Variants in PCDH15 observed in about 807,000 individuals in gnomAD.
PCDH15 encodes the protein protocadherin related 15.
Under a neutral mutation model 178.5 loss-of-function variants are expected in PCDH15, and 129 were observed. That is an observed-to-expected ratio of 0.72 (90% confidence interval 0.63 to 0.84). The LOEUF is 0.84. PCDH15 is among the 40% of genes least tolerant of loss of function. PCDH15 has a pLI of 0.00. For synonymous variants in PCDH15, 800 were observed against 732.0 expected, an observed-to-expected ratio of 1.09 and a Z score of -1.50; for missense variants, 2,230 against 2,099.9, an observed-to-expected ratio of 1.06 and a Z score of -1.21.
rs1307297911 is a variant in PCDH15, at chr10:54,677,912, C to A, written c.-28-13622G>T. Among the ~76,000 whole-genome samples, 4 of 152,244 alleles carry A rather than the reference C, an allele frequency of 2.6e-5. No homozygotes were observed. The East Asian group carries it at 7.7e-4, about 29-fold the overall frequency. On this transcript the variant is annotated intron_variant, in intron 1 of 37. Coordinates refer to ENST00000644397, the MANE Select transcript of PCDH15 (RefSeq NM_001384140.1). The stretch of plus-strand genomic sequence containing the variant: ...TCCATACGCATTTAGGACCACTGTA[C>A]TATCATCACGTCCAAAACTTCCTTT...
At chr10:55,341,719 G>A (rs1357662779) in intron 2 of PCDH15, among the ~76,000 whole-genome samples, 3 of 136,532 alleles carry the variant, frequency 2.2e-5, no homozygotes, top group Non-Finnish European at 4.6e-5. Flanking sequence ...ACAGGCATGC[G>A]CCACCACGCC....
intron 1 of PCDH15, among the ~76,000 whole-genome samples, chr10:55,201,183 A>G (rs567629849): frequency 6.6e-6 from 1 of 152,250 alleles, no homozygotes; most frequent in East Asian, 1.9e-4. Context: ...GATAGAATAT[A>G]AGGCTGGAAA....
intron 2 of PCDH15, among the ~76,000 whole-genome samples, chr10:55,363,933 A>G (rs1224820623): frequency 6.6e-6 from 1 of 152,040 alleles, no homozygotes; most frequent in Non-Finnish European, 1.5e-5. Context: ...CACTGTGCCC[A>G]GCCTGTTTTT....
intron 8 of PCDH15, among the ~76,000 whole-genome samples, chr10:54,264,924 C>G (rs1015855192): frequency 2.0e-5 from 3 of 151,964 alleles, no homozygotes; most frequent in Non-Finnish European, 4.4e-5. Flanking sequence ...CTTTTATATA[C>G]TATAAAGACA....
chr10:53,844,651 T>G (rs997502415), intron 28 of PCDH15, among the ~76,000 whole-genome samples: 1 of 151,926 alleles, frequency 6.6e-6, no homozygotes, highest in Non-Finnish European at 1.5e-5. Flanking sequence ...TTTTAATGTA[T>G]GATGATAAGA....
chr10:55,599,897 T>C (rs770318424), intron 2 of PCDH15: 12 of 1,516,344 alleles, frequency 7.9e-6, no homozygotes, highest in Non-Finnish European at 9.7e-6. Context: ...GGGACTTGTA[T>C]GAATGGCCAC....
chr10:55,588,703 G>A (rs1253623493), intron 2 of PCDH15, among the ~76,000 whole-genome samples: 1 of 151,832 alleles, frequency 6.6e-6, no homozygotes, highest in Admixed American at 6.6e-5. Context: ...GTAAAACTAA[G>A]AAAAACTGGG....
chr10:54,952,415 T>TAC (rs1300836534), intron 2 of PCDH15, among the ~76,000 whole-genome samples: 1 of 151,862 alleles, frequency 6.6e-6, no homozygotes, highest in Non-Finnish European at 1.5e-5. Flanking sequence ...AGCTTTATAA[T>TAC]ACACCTTGAA....
intron 2 of PCDH15, among the ~76,000 whole-genome samples, chr10:55,499,996 CAA>C (rs1840619950): frequency 6.6e-6 from 1 of 151,140 alleles, no homozygotes; most frequent in Non-Finnish European, 1.5e-5. Context: ...CCATCAGGTG[CAA>C]AAAGAGTTTA....
chr10:54,830,345 C>A (rs867793858), intron 3 of PCDH15, among the ~76,000 whole-genome samples: 8 of 152,048 alleles, frequency 5.3e-5, no homozygotes, highest in African/African-American at 1.7e-4. Context: ...AAATGTCCAA[C>A]AATGATAGAC....
At chr10:53,868,267 A>G (rs1564643688) in intron 26 of PCDH15, among the ~76,000 whole-genome samples, 1 of 151,984 alleles carries the variant, frequency 6.6e-6, no homozygotes, top group African/African-American at 2.4e-5. Context: ...TACCTATGCT[A>G]TTATTATTAA....
At chr10:54,044,361 G>A (rs746730369) in intron 18 of PCDH15, among the ~76,000 whole-genome samples, 16 of 152,106 alleles carry the variant, frequency 1.1e-4, no homozygotes, top group Non-Finnish European at 1.5e-4. Flanking sequence ...GATTTCTTAT[G>A]TATGACCAGA....
At chr10:54,078,765 TTA>T (rs1491321389) in intron 17 of PCDH15, among the ~76,000 whole-genome samples, 46 of 150,630 alleles carry the variant, frequency 3.1e-4, no homozygotes, top group African/African-American at 1.1e-3. Context: ...TTTTTTTTTT[TTA>T]AAGTGAGTTT....
At chr10:54,137,944 T>A (rs2043038955) in intron 14 of PCDH15, among the ~76,000 whole-genome samples, 1 of 152,040 alleles carries the variant, frequency 6.6e-6, no homozygotes, top group East Asian at 1.9e-4. Flanking sequence ...CTCACCCAAT[T>A]TTCACTGGAG....
intron 2 of PCDH15, among the ~76,000 whole-genome samples, chr10:55,543,314 AC>A (rs5785141): frequency 0.31 from 46,033 of 149,314 alleles, 7,247 homozygotes; most frequent in African/African-American, 0.38. Context: ...CAAAGAAGCT[AC>A]AAATGTTCCC....
At chr10:55,104,892 T>C (rs1342764826) in intron 2 of PCDH15, among the ~76,000 whole-genome samples, 1 of 152,340 alleles carries the variant, frequency 6.6e-6, no homozygotes, top group Non-Finnish European at 1.5e-5. Flanking sequence ...TACTGTGATA[T>C]CCAGTTTACT....
intron 2 of PCDH15, among the ~76,000 whole-genome samples, chr10:55,458,273 C>T (rs1410375241): frequency 5.9e-5 from 9 of 151,944 alleles, no homozygotes; most frequent in African/African-American, 2.2e-4. Context: ...ATACCAAGAA[C>T]TCAATAAAGC....
chr10:55,527,284 C>G (rs1442015256), intron 2 of PCDH15, among the ~76,000 whole-genome samples: 1 of 152,012 alleles, frequency 6.6e-6, no homozygotes, highest in African/African-American at 2.4e-5. Context: ...GTTAAGGTGT[C>G]AGCCAGAATG....
At chr10:54,107,283 T>A (rs2094932617) in intron 15 of PCDH15, among the ~76,000 whole-genome samples, 1 of 152,228 alleles carries the variant, frequency 6.6e-6, no homozygotes, top group South Asian at 2.1e-4. Flanking sequence ...TGTTTGCATC[T>A]CTTTAGTGTC....
Sources: allele counts gnomAD v4.1 joint callset (sites outside exome capture counted in the v4.1 genomes callset), GRCh38; gene constraint gnomAD v4.1.1; transcripts MANE v1.5; gene names NCBI Gene and HGNC (gene_info 2026-07-23, HGNC 2026-07-21).